Variants in SH3KBP1 observed in about 807,000 individuals in gnomAD.
SH3KBP1 encodes the protein SH3 domain-containing kinase-binding protein 1.
Under a neutral mutation model 50.1 loss-of-function variants are expected in SH3KBP1, and 8 were observed. That is an observed-to-expected ratio of 0.16 (90% CI 0.09 to 0.29). The LOEUF (loss-of-function observed/expected upper bound fraction) is 0.29. Among genes scored for constraint, SH3KBP1 ranks in the 10% least tolerant of loss-of-function variants. The probability of loss-of-function intolerance (pLI) is 1.00; values close to 1 mark genes in which losing one functional copy is unlikely to be tolerated. For missense variants in SH3KBP1, 377 were observed against 535.2 expected (o/e 0.70, Z 2.92); for synonymous variants, 227 against 218.6 (o/e 1.04, Z -0.34).
At chrX:19,802,264 G>A (rs1210150707) in intron 2 of SH3KBP1, among the ~76,000 whole-genome samples, 1 of 110,740 alleles carries the variant, frequency 9.0e-6, no homozygotes, top group Non-Finnish European at 1.9e-5. Context: ...TTGTGGTGGC[G>A]CATGTCTGTA....
At chrX:19,852,093 A>C (rs1043991693) in intron 1 of SH3KBP1, among the ~76,000 whole-genome samples, 2 of 111,421 alleles carry the variant, frequency 1.8e-5, no homozygotes, top group African/African-American at 6.5e-5. Flanking sequence ...TGTGACTTCT[A>C]GGCCATATTA....
At position 19,873,305 on chromosome X, in the gene SH3KBP1, TATATATAC is replaced by T. The variant is rs1404685011; in HGVS notation, c.4+13994_4+14001del. ...ATATATATATGTATATATATATATA[TATATATAC>T]ATATACATATATATACATGTATATA... is the stretch of plus-strand genomic sequence containing the variant. On this transcript the variant is annotated intron_variant, in intron 1 of 17. Transcript: ENST00000397821. Among the ~76,000 whole-genome samples, 412 of 98,155 alleles carry T rather than the reference TATATATAC, an allele frequency of 4.2e-3. 2 individuals are homozygous for T. Among genetic ancestry groups the T allele is most frequent in the African/African-American group, 0.016 (386 of 24,453 alleles). The allele number at this position is 98,155 out of a possible 115,157, so 85.2% of individuals were successfully genotyped here.
chrX:19,799,678 C>G, intron 2 of SH3KBP1: 7 of 1,210,427 alleles, frequency 5.8e-6, no homozygotes, highest in Non-Finnish European at 7.8e-6. Context: ...GCTGCTGAAA[C>G]CTCCATTCTG....
At chrX:19,783,024 G>A (rs1008960372) in intron 2 of SH3KBP1, among the ~76,000 whole-genome samples, 1 of 111,873 alleles carries the variant, frequency 8.9e-6, no homozygotes, top group African/African-American at 3.3e-5. Context: ...TGGTTGGGGT[G>A]GGAGAATCAC....
At chrX:19,760,401 C>T (rs1807229) in intron 2 of SH3KBP1, among the ~76,000 whole-genome samples, 1 of 73,372 alleles carries the variant, frequency 1.4e-5, no homozygotes, top group Admixed American at 1.4e-4. Flanking sequence ...TAAATAAATA[C>T]ATACATACAT....
rs180684289 is a variant in SH3KBP1, at chrX:19,609,431, A to G, written c.898-1386T>C. On this transcript the variant is annotated intron_variant, in intron 8 of 17. Coordinates refer to ENST00000397821, the MANE Select transcript of SH3KBP1 (RefSeq NM_031892.3). ...ACCCTGAGCCTGCTTTTTGTCCTAT[A>G]GCAGACTCCCAAGTCTCGTGATCAA... Among the ~76,000 whole-genome samples the G allele has an allele frequency of 2.7e-5, 3 of 112,275 alleles. No homozygotes were observed. In the East Asian group the frequency reaches 8.3e-4, roughly 31 times the overall value.
At chrX:19,602,596 T>C (rs1226128850) in intron 9 of SH3KBP1, among the ~76,000 whole-genome samples, 2 of 112,383 alleles carry the variant, frequency 1.8e-5, no homozygotes, top group Non-Finnish European at 3.8e-5. Context: ...GGCTGCTTAT[T>C]AGAAGCACAT....
At chrX:19,827,857 C>A (rs1160353526) in intron 2 of SH3KBP1, among the ~76,000 whole-genome samples, 1 of 93,634 alleles carries the variant, frequency 1.1e-5, no homozygotes, top group Non-Finnish European at 2.0e-5. Flanking sequence ...TATTGTACCC[C>A]ATATTATGGT....
intron 13 of SH3KBP1, among the ~76,000 whole-genome samples, chrX:19,555,585 G>C (rs2065463695): frequency 8.9e-6 from 1 of 112,036 alleles, no homozygotes; most frequent in South Asian, 3.7e-4. Context: ...CAGAGCTTTA[G>C]GATATAAGTT....
chrX:19,791,848 A>C (rs1271484396), intron 2 of SH3KBP1, among the ~76,000 whole-genome samples: 3 of 111,817 alleles, frequency 2.7e-5, no homozygotes, highest in Non-Finnish European at 5.6e-5. Flanking sequence ...TCAGAAAACC[A>C]AAGAACTTTC....
chrX:19,742,253 A>C (rs1269042438), intron 3 of SH3KBP1, among the ~76,000 whole-genome samples: 1 of 110,387 alleles, frequency 9.1e-6, no homozygotes, highest in Non-Finnish European at 1.9e-5. Flanking sequence ...GGTGCATGCC[A>C]CCACACCCAG....
intron 6 of SH3KBP1, among the ~76,000 whole-genome samples, chrX:19,649,126 AGAG>A (rs995013810): frequency 9.0e-6 from 1 of 111,328 alleles, no homozygotes; most frequent in Non-Finnish European, 1.9e-5. Context: ...TGGCTGGGGA[AGAG>A]GATACAGGAT....
At chrX:19,754,300 C>T (rs921712138) in intron 2 of SH3KBP1, among the ~76,000 whole-genome samples, 2 of 111,657 alleles carry the variant, frequency 1.8e-5, no homozygotes, top group Admixed American at 9.5e-5. Context: ...TGTTGCTTCC[C>T]GATGTACAGT....
intron 13 of SH3KBP1, among the ~76,000 whole-genome samples, chrX:19,565,300 G>C (rs1448634294): frequency 1.8e-5 from 2 of 109,896 alleles, no homozygotes; most frequent in African/African-American, 6.6e-5. Flanking sequence ...GACCTCAGGT[G>C]ATCTGCCCGC....
chrX:19,874,370 G>C (rs376757208), intron 1 of SH3KBP1, among the ~76,000 whole-genome samples: 7 of 86,685 alleles, frequency 8.1e-5, no homozygotes, highest in Non-Finnish European at 1.6e-4. Flanking sequence ...GAAAGAAGTG[G>C]GCAGAGAGAC....
intron 3 of SH3KBP1, among the ~76,000 whole-genome samples, chrX:19,739,133 A>T (rs2064696919): frequency 1.8e-5 from 2 of 110,568 alleles, no homozygotes; most frequent in Middle Eastern, 4.7e-3. Flanking sequence ...TCCCAGACTG[A>T]CCCACAATGC....
intron 2 of SH3KBP1, among the ~76,000 whole-genome samples, chrX:19,753,142 A>G (rs2065115400): frequency 8.9e-6 from 1 of 111,930 alleles, no homozygotes; most frequent in Non-Finnish European, 1.9e-5. Flanking sequence ...TGGTCCTGGT[A>G]CTTCTCTCTG....
intron 8 of SH3KBP1, among the ~76,000 whole-genome samples, chrX:19,623,544 G>A (rs982860541): frequency 8.9e-6 from 1 of 111,931 alleles, no homozygotes; most frequent in Non-Finnish European, 1.9e-5. Context: ...AATTAGCCAG[G>A]CATGATGGCA....
intron 2 of SH3KBP1, among the ~76,000 whole-genome samples, chrX:19,832,782 T>G: frequency 9.0e-6 from 1 of 111,364 alleles, no homozygotes; most frequent in Non-Finnish European, 1.9e-5. Flanking sequence ...GCAGAGCAGG[T>G]GGGGCAATGC....
Sources: gnomAD v4.1 joint callset for allele counts (sites outside exome capture counted in the v4.1 genomes callset) on GRCh38, gnomAD v4.1.1 for gene constraint, MANE v1.5 for transcripts, NCBI Gene and HGNC (gene_info 2026-07-23, HGNC 2026-07-21) for gene names.